Variants in LRP1B observed in about 807,000 individuals in gnomAD.
The protein encoded by LRP1B is low-density lipoprotein receptor-related protein 1B.
Under a neutral mutation model 556.6 loss-of-function variants are expected in LRP1B, and 217 were observed. The ratio of observed to expected loss-of-function variants is 0.39; its 90% CI spans 0.35 to 0.44. LRP1B has a LOEUF of 0.44. LRP1B is among the 20% of genes least tolerant of loss of function. LRP1B has a pLI of 1.00. For missense variants in LRP1B, 5,053 were observed against 5,620.8 expected (o/e 0.90, Z 3.23); for synonymous variants, 2,047 against 1,865.8 (o/e 1.10, Z -2.50).
At chr2:141,691,750 C>A (rs1691540851) in intron 2 of LRP1B, among the ~76,000 whole-genome samples, 1 of 151,840 alleles carries the variant, frequency 6.6e-6, no homozygotes, top group Admixed American at 6.6e-5. Context: ...GCAACCTGGG[C>A]AAACTACTCA....
At chr2:140,837,165 T>G (rs1398877668) in intron 31 of LRP1B, among the ~76,000 whole-genome samples, 1 of 152,158 alleles carries the variant, frequency 6.6e-6, no homozygotes, top group Admixed American at 6.5e-5. Flanking sequence ...GCTTCATAAA[T>G]TTTTCTCATT....
chr2:140,853,891 A>T lies in LRP1B; in HGVS notation c.4580-2108T>A, dbSNP rs368538630. 2.5e-4 allele frequency among the ~76,000 whole-genome samples: 38 copies of T among 152,172 alleles called. 2 individuals are homozygous for T. The highest frequency in any genetic ancestry group is 1.1e-3 in the Admixed American group (17 of 15,268). ...TCTGTTATAATAATTGAAGTCCCTA[A>T]GGAATCGCAAGTTAGAGAAGCAAGA... On this transcript the variant is annotated intron_variant, in intron 27 of 90. Coordinates refer to ENST00000389484, the MANE Select transcript of LRP1B (RefSeq NM_018557.3).
chr2:141,881,284 T>C (rs1698950261), intron 1 of LRP1B, among the ~76,000 whole-genome samples: 1 of 152,158 alleles, frequency 6.6e-6, no homozygotes, highest in South Asian at 2.1e-4. Context: ...GGGTTTAATG[T>C]ATTATTTAAA....
intron 1 of LRP1B, among the ~76,000 whole-genome samples, chr2:141,985,116 T>C (rs1486675884): frequency 6.6e-6 from 1 of 152,120 alleles, no homozygotes; most frequent in East Asian, 1.9e-4. Context: ...AATTCAAGTC[T>C]GAGATAACGG....
chr2:141,355,945 G>T (rs889851597), intron 3 of LRP1B, among the ~76,000 whole-genome samples: 1 of 151,782 alleles, frequency 6.6e-6, no homozygotes, highest in African/African-American at 2.4e-5. Flanking sequence ...CTTTTTCTCT[G>T]TCCAGGAATT....
rs532966544 is a variant in LRP1B at position 141,095,722 on chromosome 2, A to G, written c.1014-33449T>C. Among the ~76,000 whole-genome samples, 15 of 152,190 alleles carry G rather than the reference A, an allele frequency of 9.9e-5. No individual in the cohort carries two copies. In the South Asian group the frequency reaches 2.3e-3, roughly 23 times the overall value. On this transcript the variant is annotated intron_variant, in intron 7 of 90. Coordinates refer to ENST00000389484, the MANE Select transcript of LRP1B (RefSeq NM_018557.3). ...CAGGTTTTCAAGTGGCAACAAGAGC[A>G]CCTGTTCTCAACATGAATGTGATTT...
chr2:141,809,210 T>C (rs937144676), intron 2 of LRP1B, among the ~76,000 whole-genome samples: 1 of 152,138 alleles, frequency 6.6e-6, no homozygotes, highest in African/African-American at 2.4e-5. Context: ...TATTCACCTT[T>C]TGAGAAACCT....
intron 1 of LRP1B, among the ~76,000 whole-genome samples, chr2:142,001,984 A>G (rs1212621106): frequency 6.6e-6 from 1 of 152,178 alleles, no homozygotes; most frequent in African/African-American, 2.4e-5. Context: ...CACTTACCCA[A>G]CTGTGTCTGC....
chr2:140,373,018 G>T lies in LRP1B; in HGVS notation c.10758C>A (p.Ser3586Arg), dbSNP rs754943104. The T allele has an allele frequency of 6.8e-6, 11 of 1,613,010 alleles. No individual in the cohort carries two copies. Among genetic ancestry groups the T allele is most frequent in the Non-Finnish European group, 9.3e-6 (11 of 1,179,518 alleles). ...EDCKYGEDEKSCEPASPTCSS... is the reference protein window; with the variant it reads ...EDCKYGEDEKRCEPASPTCSS... Reference sequence around the variant, plus strand: ...CTTCAATCCTTTTACCTGGCTCACAGCTTTTCTCATCTTCCCCATATTTGC... The same window carrying T: ...CTTCAATCCTTTTACCTGGCTCACATCTTTTCTCATCTTCCCCATATTTGC... Residue 3586 changes from serine to arginine, a missense_variant, in exon 69 of 91, where the codon AGC becomes AGA. This residue lies in a region of LRP1B where 599 missense variants were observed against 648.4 expected (regional missense o/e 0.92). Transcript: ENST00000389484.
At chr2:141,756,789 C>A (rs1002136370) in intron 2 of LRP1B, among the ~76,000 whole-genome samples, 6 of 152,040 alleles carry the variant, frequency 3.9e-5, no homozygotes, top group Admixed American at 3.9e-4. Flanking sequence ...ATAGGCTATA[C>A]CATATAGCCT....
chr2:140,393,432 CCTTT>C (rs1213307607), intron 66 of LRP1B, among the ~76,000 whole-genome samples: 1 of 150,902 alleles, frequency 6.6e-6, no homozygotes, highest in African/African-American at 2.5e-5. Flanking sequence ...TTGTTTCGTT[CCTTT>C]TTTTTTTAAG....
At chr2:140,307,006 T>G (rs1684095589) in intron 83 of LRP1B, among the ~76,000 whole-genome samples, 1 of 152,050 alleles carries the variant, frequency 6.6e-6, no homozygotes, top group Admixed American at 6.6e-5. Flanking sequence ...GGAAATGTCT[T>G]GGAATCTCAT....
At position 141,635,802 on chromosome 2, in the gene LRP1B, C is replaced by T. The variant is rs916699584; in HGVS notation, c.206-155269G>A. 5.9e-5 allele frequency among the ~76,000 whole-genome samples: 9 copies of T among 152,142 alleles called. No individual in the cohort carries two copies. The South Asian group carries it at 1.7e-3, about 28-fold the overall frequency. On this transcript the variant is annotated intron_variant, in intron 2 of 90. Coordinates refer to ENST00000389484, the MANE Select transcript of LRP1B (RefSeq NM_018557.3). ...GAAGATAAACAATATAAACATATCACTTGATGAATGAATATGTATAATAAC... is the reference window on the plus strand; with the variant it reads ...GAAGATAAACAATATAAACATATCATTTGATGAATGAATATGTATAATAAC...
intron 18 of LRP1B, among the ~76,000 whole-genome samples, chr2:140,968,493 A>AT (rs1327050768): frequency 1.0e-4 from 7 of 67,454 alleles, no homozygotes; most frequent in South Asian, 7.9e-4. Flanking sequence ...GGATTGATTG[A>AT]TTTTTTGCAG....
At chr2:141,404,733 A>G (rs1690570319) in intron 3 of LRP1B, among the ~76,000 whole-genome samples, 2 of 152,300 alleles carry the variant, frequency 1.3e-5, no homozygotes, top group Non-Finnish European at 2.9e-5. Flanking sequence ...TGCCATAGCA[A>G]GCTTTTTAGG....
intron 7 of LRP1B, among the ~76,000 whole-genome samples, chr2:141,184,668 T>C (rs1394766530): frequency 6.6e-6 from 1 of 151,708 alleles, no homozygotes; most frequent in South Asian, 2.1e-4. Flanking sequence ...CTATGTCACG[T>C]CAAACTTGTA....
At chr2:141,144,565 T>C (rs1047562439) in intron 7 of LRP1B, among the ~76,000 whole-genome samples, 3 of 152,164 alleles carry the variant, frequency 2.0e-5, no homozygotes, top group African/African-American at 7.2e-5. Flanking sequence ...ATCTACTACT[T>C]CTCATATGAA....
At chr2:141,004,333 C>A (rs1697508731) in intron 15 of LRP1B, among the ~76,000 whole-genome samples, 1 of 151,836 alleles carries the variant, frequency 6.6e-6, no homozygotes. Flanking sequence ...TGTAGATGAA[C>A]TTGCTCCAAT....
intron 31 of LRP1B, among the ~76,000 whole-genome samples, chr2:140,834,906 A>C (rs1691847145): frequency 6.6e-6 from 1 of 152,166 alleles, no homozygotes. Flanking sequence ...TGGTGTGTAA[A>C]TTTCCAGTTC....
Sources: gnomAD v4.1 joint callset for allele counts (sites outside exome capture counted in the v4.1 genomes callset) on GRCh38, gnomAD v4.1.1 for gene constraint, gnomAD v4.1.1 regional missense constraint, MANE v1.5 for transcripts, NCBI Gene and HGNC (gene_info 2026-07-23, HGNC 2026-07-21) for gene names.